KCNQ1: variants seen among roughly 807,000 people sequenced by gnomAD.
KCNQ1 encodes potassium voltage-gated channel subfamily Q member 1, also known as potassium voltage-gated channel subfamily KQT member 1.
KCNQ1 carries 49 observed loss-of-function variants against 72.4 expected under a neutral mutation model. The observed-to-expected ratio is 0.68, with a 90% confidence interval of 0.54 to 0.86. The LOEUF is 0.86. Among genes scored for constraint, KCNQ1 ranks in the 40% least tolerant of loss-of-function variants. The pLI is 0.00. For missense variants in KCNQ1, 790 were observed against 945.1 expected (o/e 0.84, Z 2.15); for synonymous variants, 450 against 412.6 (o/e 1.09, Z -1.10).
intron 11 of KCNQ1, among the ~76,000 whole-genome samples, chr11:2,702,144 A>G (rs1850825922): frequency 6.6e-6 from 1 of 152,174 alleles, no homozygotes; most frequent in African/African-American, 2.4e-5. Context: ...CTACCTCCCC[A>G]GGAGGTCAGG....
rs962493765 is a variant in KCNQ1, at chr11:2,477,539, T to G, written c.386+32055T>G. On this transcript the variant is annotated intron_variant, in intron 1 of 15. Transcript: ENST00000155840. This position sits in a 1 kb window ranked among gnomAD's most constrained non-coding sequence, Gnocchi z 5.0. ...AAAAGAAAACTACAGACCAGTGATA[T>G]GTACACAGAGAGCAATGAAAATCCT... 2.0e-5 allele frequency among the ~76,000 whole-genome samples: 3 copies of G among 152,040 alleles called. No homozygotes were observed. The highest frequency in any genetic ancestry group is 2.9e-5 in the Non-Finnish European group (2 of 67,992).
chr11:2,456,967 C>CAAAAAAAACA (rs1415456378), intron 1 of KCNQ1, among the ~76,000 whole-genome samples: 1 of 135,954 alleles, frequency 7.4e-6, no homozygotes. Context: ...AAAAAAAAAC[C>CAAAAAAAACA]CAAAAAAACA....
intron 10 of KCNQ1, chr11:2,615,970 A>T (rs957962948): frequency 7.5e-6 from 3 of 398,194 alleles, no homozygotes; most frequent in Non-Finnish European, 1.3e-5. Flanking sequence ...ATAATTCAAC[A>T]GTGACGCCAT....
intron 10 of KCNQ1, chr11:2,648,988 T>TTTTTTTTTTTTTTTTTTTC (rs1849713855): frequency 3.1e-6 from 1 of 322,162 alleles, no homozygotes; most frequent in African/African-American, 2.3e-5. Context: ...TTTCTTTTTT[T>TTTTTTTTTTTTTTTTTTTC]TTTTTTTTTT....
In KCNQ1 at chr11:2,479,338, G is replaced by A. The variant is rs1272706162; in HGVS notation, c.386+33854G>A. Among the ~76,000 whole-genome samples, 1 of 152,206 alleles carries A rather than the reference G, an allele frequency of 6.6e-6. No individual in the cohort carries two copies. Among genetic ancestry groups the A allele is most frequent in the Non-Finnish European group, 1.5e-5 (1 of 68,036 alleles). On this transcript the variant is annotated intron_variant, in intron 1 of 15. Transcript: ENST00000155840. The surrounding 1 kb of genome is among the most constrained non-coding windows in gnomAD (Gnocchi z 4.6). ...CTGCCCTAGCAGAGGTTCTCCATGA[G>A]GACCCCACCCCTGCAGCAAACTTCT...
At chr11:2,512,898 G>T (rs115927508) in intron 1 of KCNQ1, among the ~76,000 whole-genome samples, 3,674 of 152,312 alleles carry the variant, frequency 0.024, 56 homozygotes, top group African/African-American at 0.029. Flanking sequence ...GTCAGCAGAG[G>T]GTTTTCCTGG....
At position 2,598,305 on chromosome 11, in the gene KCNQ1, T is replaced by C. The variant is rs757290452; in HGVS notation, c.1393+9451T>C. ...ATTTTTCTCTTTAGAGTTCTTTTAATGTCTTCTTAATTTTTAAGCAGTAAA... is the reference window on the plus strand; with the variant it reads ...ATTTTTCTCTTTAGAGTTCTTTTAACGTCTTCTTAATTTTTAAGCAGTAAA... On this transcript the variant is annotated intron_variant, in intron 10 of 15. Coordinates refer to ENST00000155840, the MANE Select transcript of KCNQ1 (RefSeq NM_000218.3). The surrounding 1 kb of genome is among the most constrained non-coding windows in gnomAD (Gnocchi z 6.2). 1.3e-5 allele frequency among the ~76,000 whole-genome samples: 2 copies of C among 152,178 alleles called. No homozygotes were observed. The highest frequency in any genetic ancestry group is 4.8e-5 in the African/African-American group (2 of 41,464).
chr11:2,467,751 A>C (rs1056821377), intron 1 of KCNQ1, among the ~76,000 whole-genome samples: 4 of 152,078 alleles, frequency 2.6e-5, no homozygotes, highest in Admixed American at 1.3e-4. Flanking sequence ...TGCGTCTTGC[A>C]ATGGGGGCTG....
Position 2,828,768 on chromosome 11 carries a change from A to C in KCNQ1, c.1795-18999A>C, listed in dbSNP as rs547561987. 5.3e-5 allele frequency among the ~76,000 whole-genome samples: 8 copies of C among 152,252 alleles called. No individual in the cohort carries two copies. The highest frequency in any genetic ancestry group is 1.2e-4 in the Non-Finnish European group (8 of 68,040). On this transcript the variant is annotated intron_variant, in intron 15 of 15. Coordinates refer to ENST00000155840, the MANE Select transcript of KCNQ1 (RefSeq NM_000218.3). This position sits in a 1 kb window ranked among gnomAD's most constrained non-coding sequence, Gnocchi z 5.3. ...TTCAGTAAATGCATTCAAGCTAAAA[A>C]GGAAGACCTCCTCCCCCACTTCCCT...
At chr11:2,455,340 C>T (rs549722711) in intron 1 of KCNQ1, among the ~76,000 whole-genome samples, 4 of 152,310 alleles carry the variant, frequency 2.6e-5, no homozygotes, top group East Asian at 1.9e-4. Flanking sequence ...CCTTGTGATC[C>T]ACCCGCCTTG....
intron 15 of KCNQ1, among the ~76,000 whole-genome samples, chr11:2,833,160 C>A (rs888348843): frequency 1.3e-5 from 2 of 152,188 alleles, no homozygotes; most frequent in African/African-American, 2.4e-5. Context: ...GCCTGTGTGC[C>A]TCTGGAGTCG....
At position 2,486,697 on chromosome 11, in the gene KCNQ1, A is replaced by T. The variant is rs1846744873; in HGVS notation, c.386+41213A>T. Among the ~76,000 whole-genome samples the T allele has an allele frequency of 6.6e-6, 1 of 152,220 alleles. No homozygotes were observed. The highest frequency in any genetic ancestry group is 2.1e-4 in the South Asian group (1 of 4,832). ...TGGCGAGAGCCTCAGGAAGCTTCCAATCACGGCAGAAGGTGAAGCGGGAGT... is the reference window on the plus strand; with the variant it reads ...TGGCGAGAGCCTCAGGAAGCTTCCATTCACGGCAGAAGGTGAAGCGGGAGT... On this transcript the variant is annotated intron_variant, in intron 1 of 15. Coordinates refer to ENST00000155840, the MANE Select transcript of KCNQ1 (RefSeq NM_000218.3). The surrounding 1 kb of genome is among the most constrained non-coding windows in gnomAD (Gnocchi z 5.0).
At position 2,463,597 on chromosome 11, in the gene KCNQ1, G is replaced by GGGGACT. The variant is rs761965052; in HGVS notation, c.386+18117_386+18122dup. On this transcript the variant is annotated intron_variant, in intron 1 of 15. Transcript: ENST00000155840. The surrounding 1 kb of genome is among the most constrained non-coding windows in gnomAD (Gnocchi z 7.0). ...CTGCCCTGGGCACCCTGCCTCTTCCGGGGACTGGGGCTGGGGCTGGGGCAG... is the reference window on the plus strand; with the variant it reads ...CTGCCCTGGGCACCCTGCCTCTTCCGGGGACTGGGACTGGGGCTGGGGCTGGGGCAG... 6.6e-6 allele frequency among the ~76,000 whole-genome samples: 1 copy of GGGGACT among 152,156 alleles called. No homozygotes were observed. The highest frequency in any genetic ancestry group is 1.5e-5 in the Non-Finnish European group (1 of 68,012).
rs1847291883 is a variant in KCNQ1, at chr11:2,516,532, G to A, written c.387-11396G>A. On this transcript the variant is annotated intron_variant, in intron 1 of 15. Transcript: ENST00000155840. The surrounding 1 kb of genome is among the most constrained non-coding windows in gnomAD (Gnocchi z 7.0). ...ACAGGGAGCTGGACCTTCCCAATTC[G>A]GTTGCCCTTGCTTGATGTTTACATG... 6.6e-6 allele frequency among the ~76,000 whole-genome samples: 1 copy of A among 152,066 alleles called. No individual in the cohort carries two copies. The highest frequency in any genetic ancestry group is 2.4e-5 in the African/African-American group (1 of 41,418).
Position 2,815,121 on chromosome 11 carries a change from A to T in KCNQ1, c.1795-32646A>T, listed in dbSNP as rs1404546721. 2.0e-5 allele frequency among the ~76,000 whole-genome samples: 3 copies of T among 152,186 alleles called. No homozygotes were observed. Among genetic ancestry groups the T allele is most frequent in the Non-Finnish European group, 2.9e-5 (2 of 68,028 alleles). ...TGCTTCCTGTGCTCTCAACAGCCTT[A>T]TGTGGTCAGTACCAATCCCTCCCCA... On this transcript the variant is annotated intron_variant, in intron 15 of 15. Transcript: ENST00000155840. This position sits in a 1 kb window ranked among gnomAD's most constrained non-coding sequence, Gnocchi z 5.4.
At position 2,720,964 on chromosome 11, in the gene KCNQ1, C is replaced by T. The variant is rs1250811925; in HGVS notation, c.1515-47880C>T. 6.6e-6 allele frequency among the ~76,000 whole-genome samples: 1 copy of T among 152,118 alleles called. No homozygotes were observed. The highest frequency in any genetic ancestry group is 1.9e-4 in the East Asian group (1 of 5,188). On this transcript the variant is annotated intron_variant, in intron 11 of 15. Coordinates refer to ENST00000155840, the MANE Select transcript of KCNQ1 (RefSeq NM_000218.3). This position sits in a 1 kb window ranked among gnomAD's most constrained non-coding sequence, Gnocchi z 5.1. ...CTCATCCCAGGGGCTCTCAGATTTCCAGGGACTCGGGCAGGCACAGCTTTC... is the reference window on the plus strand; with the variant it reads ...CTCATCCCAGGGGCTCTCAGATTTCTAGGGACTCGGGCAGGCACAGCTTTC...
chr11:2,553,331 T>C (rs1848016302), intron 2 of KCNQ1, among the ~76,000 whole-genome samples: 2 of 152,318 alleles, frequency 1.3e-5, no homozygotes, highest in South Asian at 2.1e-4. Context: ...AGAGGGCTGC[T>C]ATCCTTATCT....
Position 2,515,348 on chromosome 11 carries a change from C to T in KCNQ1, c.387-12580C>T, listed in dbSNP as rs1847270641. 6.6e-6 allele frequency among the ~76,000 whole-genome samples: 1 copy of T among 152,180 alleles called. No homozygotes were observed. Among genetic ancestry groups the T allele is most frequent in the Non-Finnish European group, 1.5e-5 (1 of 68,034 alleles). ...GATCCATCCGTGTTGCTGCAAAGGA[C>T]ATGATTTCATTCACTTCTTGGAGGC... is the stretch of plus-strand genomic sequence containing the variant. On this transcript the variant is annotated intron_variant, in intron 1 of 15. Coordinates refer to ENST00000155840, the MANE Select transcript of KCNQ1 (RefSeq NM_000218.3). The surrounding 1 kb of genome is among the most constrained non-coding windows in gnomAD (Gnocchi z 4.7).
chr11:2,754,674 C>T (rs1299917322), intron 11 of KCNQ1, among the ~76,000 whole-genome samples: 1 of 152,192 alleles, frequency 6.6e-6, no homozygotes, highest in African/African-American at 2.4e-5. Flanking sequence ...GGGCCCCCAC[C>T]TCATGCAATC....
Sources: allele counts gnomAD v4.1 joint callset (sites outside exome capture counted in the v4.1 genomes callset), GRCh38; gene constraint gnomAD v4.1.1; non-coding constraint Gnocchi (gnomAD v3.1); transcripts MANE v1.5; gene names NCBI Gene and HGNC (gene_info 2026-07-23, HGNC 2026-07-21).